Variants in NBEA observed in about 807,000 individuals in gnomAD.
The protein encoded by NBEA is neurobeachin.
In NBEA, 44 loss-of-function variants were observed where a neutral mutation model predicts 343.4. The ratio of observed to expected loss-of-function variants is 0.13; its 90% CI spans 0.10 to 0.16. NBEA has a LOEUF of 0.16. Ranked by LOEUF, NBEA falls within the 10% of genes least tolerant of loss-of-function variation. The pLI is 1.00. For missense variants in NBEA, 2,555 were observed against 3,631.3 expected (o/e 0.70, Z 7.62); for synonymous variants, 1,175 against 1,238.7 (o/e 0.95, Z 1.08).
chr13:35,316,271 C>A lies in NBEA; in HGVS notation c.5903+6679C>A, dbSNP rs193079123. Among the ~76,000 whole-genome samples, 544 of 152,094 alleles carry A rather than the reference C, an allele frequency of 3.6e-3. 1 individual carries two copies. Among genetic ancestry groups the A allele is most frequent in the Middle Eastern group, 6.8e-3 (2 of 294 alleles). On this transcript the variant is annotated intron_variant, in intron 36 of 58. Coordinates refer to ENST00000379939, the MANE Select transcript of NBEA (RefSeq NM_001385012.1). The stretch of plus-strand genomic sequence containing the variant: ...TATCCCTCCCCTAGTCCTCCACCCC[C>A]CAACAGGCCCCAGTGTGTGATGTTC...
At chr13:35,273,936 AC>A (rs2034380218) in intron 34 of NBEA, among the ~76,000 whole-genome samples, 1 of 152,338 alleles carries the variant, frequency 6.6e-6, no homozygotes, top group East Asian at 1.9e-4. Context: ...TACCAGATAT[AC>A]AAAGAAGAGC....
chr13:35,553,844 C>A (rs1347705853), intron 43 of NBEA, among the ~76,000 whole-genome samples: 2 of 152,152 alleles, frequency 1.3e-5, no homozygotes, highest in African/African-American at 2.4e-5. Context: ...AGATACCACA[C>A]AAACTATTTG....
intron 39 of NBEA, among the ~76,000 whole-genome samples, chr13:35,435,514 A>G (rs576358570): frequency 1.4e-3 from 216 of 152,162 alleles, no homozygotes; most frequent in African/African-American, 4.7e-3. Context: ...AAAAGTTTTC[A>G]AAAGATTAGT....
chr13:35,606,594 C>G lies in NBEA; in HGVS notation c.7449+16C>G. Reference sequence around the variant, plus strand: ...CAACAGGATGGTAAGAGAGATTTTGCTTTTGCTTGGGCAGTCATCAGGGAG... The same window carrying G: ...CAACAGGATGGTAAGAGAGATTTTGGTTTTGCTTGGGCAGTCATCAGGGAG... On this transcript the variant is annotated intron_variant, in intron 48 of 58. Transcript: ENST00000379939. 6.3e-7 allele frequency: 1 copy of G among 1,577,386 alleles called. No homozygotes were observed. The highest frequency in any genetic ancestry group is 8.6e-7 in the Non-Finnish European group (1 of 1,157,734).
intron 1 of NBEA, among the ~76,000 whole-genome samples, chr13:35,036,113 A>T (rs1240597196): frequency 6.6e-6 from 1 of 151,378 alleles, no homozygotes; most frequent in African/African-American, 2.4e-5. Context: ...AGTGAAGATG[A>T]TTTTCTCTGG....
chr13:35,193,722 A>G (rs1018679598), intron 30 of NBEA, among the ~76,000 whole-genome samples: 2 of 151,880 alleles, frequency 1.3e-5, no homozygotes, highest in African/African-American at 4.8e-5. Context: ...TAAAGAATCT[A>G]CCCTGATTTT....
intron 10 of NBEA, among the ~76,000 whole-genome samples, chr13:35,089,983 C>T (rs867154904): frequency 6.7e-6 from 1 of 150,210 alleles, no homozygotes; most frequent in Non-Finnish European, 1.5e-5. Flanking sequence ...GTGGGTGCAG[C>T]GCACCAGAAT....
intron 34 of NBEA, among the ~76,000 whole-genome samples, chr13:35,263,214 C>T (rs1016354937): frequency 2.0e-5 from 3 of 151,784 alleles, no homozygotes; most frequent in African/African-American, 7.2e-5. Context: ...ATGATCATTC[C>T]CTGGGAAAAG....
chr13:35,234,587 A>G (rs1054067280), intron 34 of NBEA, among the ~76,000 whole-genome samples: 14 of 152,206 alleles, frequency 9.2e-5, no homozygotes, highest in Admixed American at 9.2e-4. Flanking sequence ...TAGATGGCCT[A>G]CTGACCACTT....
At chr13:35,665,298 C>A in intron 56 of NBEA, 112 bp downstream of exon 56, 3 of 763,936 alleles carry the variant, frequency 3.9e-6, no homozygotes, top group South Asian at 3.6e-5. Context: ...AAATGGTATC[C>A]CAAAGTTATT....
At chr13:35,535,279 G>A (rs866368819) in intron 41 of NBEA, among the ~76,000 whole-genome samples, 1 of 152,196 alleles carries the variant, frequency 6.6e-6, no homozygotes, top group African/African-American at 2.4e-5. Flanking sequence ...TGTAGTTGAA[G>A]CATGAAGGTG....
Position 35,044,938 on chromosome 13 carries a change from C to T in NBEA, c.527-9C>T. 6.3e-7 allele frequency: 1 copy of T among 1,599,258 alleles called. No homozygotes were observed. The highest frequency in any genetic ancestry group is 8.5e-7 in the Non-Finnish European group (1 of 1,170,820). ...CTAGAGTTCAGAATAACTTTATTTTCCTTTGAAGATCTTCTAGTTGATATG... is the reference window on the plus strand; with the variant it reads ...CTAGAGTTCAGAATAACTTTATTTTTCTTTGAAGATCTTCTAGTTGATATG... On this transcript the variant is annotated splice_polypyrimidine_tract_variant and intron_variant, in intron 2 of 58. Transcript: ENST00000379939.
At chr13:35,311,669 C>T (rs2037375714) in intron 36 of NBEA, among the ~76,000 whole-genome samples, 1 of 152,134 alleles carries the variant, frequency 6.6e-6, no homozygotes, top group Non-Finnish European at 1.5e-5. Flanking sequence ...GTCTGGCTAA[C>T]ATGGTGAAAC....
chr13:35,583,055 T>C (rs1199258457), intron 45 of NBEA, among the ~76,000 whole-genome samples: 2 of 152,216 alleles, frequency 1.3e-5, no homozygotes, highest in African/African-American at 4.8e-5. Context: ...ATAATGTGCT[T>C]ATTTGATACC....
chr13:35,658,146 A>G (rs1460970534), intron 55 of NBEA, among the ~76,000 whole-genome samples: 5 of 152,152 alleles, frequency 3.3e-5, no homozygotes, highest in Non-Finnish European at 5.9e-5. Context: ...GAACAAAAAT[A>G]TGGATATTAT....
In NBEA at chr13:35,516,425, G is replaced by A. The variant is rs188024414; in HGVS notation, c.6586-34052G>A. On this transcript the variant is annotated intron_variant, in intron 41 of 58. Transcript: ENST00000379939. ...TTTATTGCATACTGTCTCTCTGTAT[G>A]CCTATAATGTTTTATCCTTGTCATT... 1.4e-3 allele frequency among the ~76,000 whole-genome samples: 215 copies of A among 152,164 alleles called. 2 individuals carry two copies. The highest frequency in any genetic ancestry group is 4.4e-3 in the African/African-American group (183 of 41,532).
At chr13:35,464,670 T>C (rs1232945890) in intron 40 of NBEA, among the ~76,000 whole-genome samples, 1 of 152,180 alleles carries the variant, frequency 6.6e-6, no homozygotes, top group African/African-American at 2.4e-5. Flanking sequence ...AGAGTCTCAT[T>C]TTCTTATCTG....
intron 38 of NBEA, among the ~76,000 whole-genome samples, chr13:35,388,260 C>A (rs771023707): frequency 1.2e-4 from 19 of 152,094 alleles, no homozygotes; most frequent in Non-Finnish European, 2.2e-4. Context: ...TTACATTTGG[C>A]AAAAATAGGA....
At chr13:35,470,750 G>A (rs1488844855) in intron 40 of NBEA, among the ~76,000 whole-genome samples, 1 of 152,242 alleles carries the variant, frequency 6.6e-6, no homozygotes, top group Non-Finnish European at 1.5e-5. Context: ...GGAGGAGGGC[G>A]CGGGAGGCAG....
Sources: gnomAD v4.1 joint callset for allele counts (sites outside exome capture counted in the v4.1 genomes callset) on GRCh38, gnomAD v4.1.1 for gene constraint, MANE v1.5 for transcripts, NCBI Gene and HGNC (gene_info 2026-07-23, HGNC 2026-07-21) for gene names.